The following GSE1 variants were observed in gnomAD, a reference collection of about 807,000 sequenced individuals.
GSE1 encodes the protein Gse1 coiled-coil protein, also known as genetic suppressor element 1.
A neutral mutation model predicts 112.6 loss-of-function variants in GSE1; 32 were observed. That is an observed-to-expected ratio of 0.28 (90% CI 0.21 to 0.38). The LOEUF is 0.38. GSE1 is among the 10% of genes least tolerant of loss of function. The pLI is 1.00. For missense variants in GSE1, 2,348 were observed against 1,699.2 expected (o/e 1.38, Z -6.71); for synonymous variants, 1,115 against 735.6 (o/e 1.52, Z -8.35).
chr16:85,500,143 A>G (rs1351027532), intron 2 of GSE1, among the ~76,000 whole-genome samples: 3 of 152,360 alleles, frequency 2.0e-5, no homozygotes, highest in Middle Eastern at 6.8e-3. Context: ...CCAATATTGC[A>G]AGAGCTAGAA....
At chr16:85,428,832 C>T (rs544685382) in intron 2 of GSE1, among the ~76,000 whole-genome samples, 207 of 152,288 alleles carry the variant, frequency 1.4e-3, no homozygotes, top group African/African-American at 4.8e-3. Context: ...ATCGATTCTG[C>T]TTCCAGTAGA....
At position 85,324,027 on chromosome 16, in the gene GSE1, G is replaced by A. The variant is rs568445180; in HGVS notation, c.2284-33436G>A. 5.3e-5 allele frequency among the ~76,000 whole-genome samples: 8 copies of A among 152,308 alleles called. No homozygotes were observed. The South Asian group carries it at 6.2e-4, about 12-fold the overall frequency. Reference sequence around the variant, plus strand: ...CAAGGTCTCGCTGCACACCCATGACGGGGCAGGAATTAAAAAGGCAGATAA... The same window carrying A: ...CAAGGTCTCGCTGCACACCCATGACAGGGCAGGAATTAAAAAGGCAGATAA... On this transcript the variant is annotated intron_variant, in intron 1 of 2. Coordinates refer to the GSE1 transcript ENST00000637419.
chr16:85,633,479 G>A (rs575882743), intron 1 of GSE1, among the ~76,000 whole-genome samples: 118 of 152,322 alleles, frequency 7.7e-4, no homozygotes, highest in African/African-American at 2.5e-3. Flanking sequence ...CTTGGTTCCC[G>A]TCGTCCCTGG....
intron 2 of GSE1, among the ~76,000 whole-genome samples, chr16:85,384,282 C>T (rs560155718): frequency 6.6e-6 from 1 of 152,230 alleles, no homozygotes; most frequent in South Asian, 2.1e-4. Context: ...GTGGGTGCGG[C>T]CGGGTGGCGA....
At chr16:85,638,313 G>A (rs1044046085) in intron 2 of GSE1, among the ~76,000 whole-genome samples, 2 of 152,300 alleles carry the variant, frequency 1.3e-5, no homozygotes, top group South Asian at 4.1e-4. Context: ...GCGCTGAGAC[G>A]TCTTCTCTTC....
chr16:85,461,247 G>A (rs2049959161), intron 2 of GSE1, among the ~76,000 whole-genome samples: 2 of 152,204 alleles, frequency 1.3e-5, no homozygotes, highest in African/African-American at 4.8e-5. Context: ...AGGGTGTTGA[G>A]AAGCATCCCT....
At chr16:85,210,643 C>T (rs1373537436) in intron 1 of GSE1, among the ~76,000 whole-genome samples, 1 of 152,086 alleles carries the variant, frequency 6.6e-6, no homozygotes, top group Admixed American at 6.5e-5. Context: ...AGATGCCAGA[C>T]TGTACACGTG....
Position 85,643,025 on chromosome 16 carries a change from G to A in GSE1, c.227-5527G>A, listed in dbSNP as rs565206750. Among the ~76,000 whole-genome samples the A allele has an allele frequency of 1.3e-4, 20 of 152,266 alleles. No individual in the cohort carries two copies. The South Asian group carries it at 4.2e-3, about 32-fold the overall frequency. On this transcript the variant is annotated intron_variant, in intron 2 of 15. Transcript: ENST00000253458. ...GGGTGCCGGTGGTTTTTGCCTGGCG[G>A]GGTGGGCCTGAGCCTGGGTGGCTGA...
chr16:85,654,921 C>A lies in GSE1; in HGVS notation c.727C>A (p.Pro243Thr). 6.2e-7 allele frequency: 1 copy of A among 1,611,554 alleles called. No homozygotes were observed. Among genetic ancestry groups the A allele is most frequent in the Non-Finnish European group, 8.5e-7 (1 of 1,179,608 alleles). The change falls in exon 5 of 16, where the codon CCG (proline) becomes ACG (threonine). Residue 243 changes from proline to threonine, a missense_variant. Coordinates refer to ENST00000253458, the MANE Select transcript of GSE1 (RefSeq NM_014615.5). The part of the protein sequence containing the change: ...MSSLPPLGLD[P>T]ATAAAYYHPS... ...CTCACTGCCTCCCCTCGGCCTGGAC[C>A]CGGCCACTGCTGCAGCCTACTACCA... is the stretch of plus-strand genomic sequence containing the variant.
At chr16:85,665,365 G>T (rs958115716) in intron 12 of GSE1, among the ~76,000 whole-genome samples, 1 of 152,244 alleles carries the variant, frequency 6.6e-6, no homozygotes, top group Admixed American at 6.5e-5. Context: ...GGAGCTCTAC[G>T]TGCTGGTCAC....
chr16:85,375,429 G>A (rs1385038), intron 2 of GSE1, among the ~76,000 whole-genome samples: 97,421 of 152,064 alleles, frequency 0.64, 33,220 homozygotes, highest in Non-Finnish European at 0.76. Flanking sequence ...CCATTAAGGT[G>A]GGACCCAGTC....
At chr16:85,556,583 C>T (rs1411567498) in intron 1 of GSE1, among the ~76,000 whole-genome samples, 1 of 151,510 alleles carries the variant, frequency 6.6e-6, no homozygotes, top group Admixed American at 6.6e-5. Context: ...GCCCGCCGCC[C>T]CCATCGCGCC....
intron 2 of GSE1, among the ~76,000 whole-genome samples, chr16:85,470,018 A>C (rs553472120): frequency 2.0e-4 from 30 of 152,334 alleles, no homozygotes; most frequent in Admixed American, 1.8e-3. Context: ...GCCCTCAGGC[A>C]TCTCAATGCC....
At chr16:85,206,038 G>T (rs776464141) in intron 1 of GSE1, among the ~76,000 whole-genome samples, 4 of 152,208 alleles carry the variant, frequency 2.6e-5, no homozygotes, top group Non-Finnish European at 4.4e-5. Context: ...CAGGACAGGG[G>T]TTTGGAAGGA....
intron 1 of GSE1, among the ~76,000 whole-genome samples, chr16:85,323,418 T>A (rs1272123380): frequency 1.3e-5 from 2 of 151,398 alleles, no homozygotes; most frequent in African/African-American, 4.9e-5. Flanking sequence ...GGAGTTAGAG[T>A]CTCAGGAGGC....
intron 8 of GSE1, among the ~76,000 whole-genome samples, chr16:85,657,814 C>A (rs1184860362): frequency 6.6e-6 from 1 of 152,172 alleles, no homozygotes. Context: ...AAAGGTATCC[C>A]CACCAGTAAG....
intron 1 of GSE1, among the ~76,000 whole-genome samples, chr16:85,561,493 C>T (rs897892085): frequency 1.3e-5 from 2 of 152,158 alleles, no homozygotes; most frequent in Non-Finnish European, 2.9e-5. Context: ...CCCACCCCAG[C>T]CCCACACTGA....
chr16:85,225,887 A>G (rs1354995599), intron 1 of GSE1, among the ~76,000 whole-genome samples: 1 of 152,202 alleles, frequency 6.6e-6, no homozygotes, highest in Non-Finnish European at 1.5e-5. Flanking sequence ...TGCCCTCATC[A>G]GCACGTCAAC....
In GSE1 at chr16:85,665,969, C is replaced by G. The variant is rs755243381; in HGVS notation, c.2759-7C>G. On this transcript the variant is annotated splice_region_variant and splice_polypyrimidine_tract_variant and intron_variant, in intron 12 of 15. Coordinates refer to ENST00000253458, the MANE Select transcript of GSE1 (RefSeq NM_014615.5). The stretch of plus-strand genomic sequence containing the variant: ...CTTAATATTTTCCTTCACTTTGTCT[C>G]TAAAAGAACCAGCCACGCAGCAAGC... 1.6e-5 allele frequency: 25 copies of G among 1,612,736 alleles called. No homozygotes were observed. Among genetic ancestry groups the G allele is most frequent in the Non-Finnish European group, 2.0e-5 (24 of 1,179,752 alleles).
Sources: allele counts gnomAD v4.1 joint callset (sites outside exome capture counted in the v4.1 genomes callset), GRCh38; gene constraint gnomAD v4.1.1; transcripts MANE v1.5; gene names NCBI Gene and HGNC (gene_info 2026-07-23, HGNC 2026-07-21).